The following RANBP17 variants were observed in gnomAD, a reference collection of about 807,000 sequenced individuals.
The protein encoded by RANBP17 is ran-binding protein 17.
RANBP17 carries 158 observed loss-of-function variants against 141.2 expected under a neutral mutation model. The ratio of observed to expected loss-of-function variants is 1.12; its 90% CI spans 0.98 to 1.28. The LOEUF (loss-of-function observed/expected upper bound fraction) is 1.28, where lower values mean the gene tolerates loss of function less well. RANBP17 is among the 50% of genes most tolerant of loss of function. The pLI is 0.00. For synonymous variants in RANBP17, 430 were observed against 450.0 expected (o/e 0.96, Z 0.56); for missense variants, 1,438 against 1,290.7 (o/e 1.11, Z -1.75).
chr5:171,274,111 A>AGTGT (rs372324815), intron 25 of RANBP17, among the ~76,000 whole-genome samples: 7,445 of 142,960 alleles, frequency 0.052, 219 homozygotes, highest in East Asian at 0.16. Flanking sequence ...AGTTTGATCA[A>AGTGT]GTGTGTGTGT....
In RANBP17 at chr5:171,082,519, C is replaced by A. The variant is rs376674410; in HGVS notation, c.1711-87611C>A. Among the ~76,000 whole-genome samples the A allele has an allele frequency of 4.1e-4, 62 of 152,088 alleles. 1 individual carries two copies. In the South Asian group the frequency reaches 0.012, roughly 31 times the overall value. Reference sequence around the variant, plus strand: ...CAGATAAAATTATAGTCTCATCTACCCTTTGCTCAACATTTTTACACTGAC... The same window carrying A: ...CAGATAAAATTATAGTCTCATCTACACTTTGCTCAACATTTTTACACTGAC... On this transcript the variant is annotated intron_variant, in intron 14 of 27. Coordinates refer to ENST00000523189, the MANE Select transcript of RANBP17 (RefSeq NM_022897.5).
At chr5:171,129,315 TTG>T (rs1226910148) in intron 14 of RANBP17, among the ~76,000 whole-genome samples, 1 of 152,202 alleles carries the variant, frequency 6.6e-6, no homozygotes, top group Non-Finnish European at 1.5e-5. Context: ...CACACATTTG[TTG>T]CAAAAATGCA....
chr5:171,107,869 T>C (rs141809747), intron 14 of RANBP17, among the ~76,000 whole-genome samples: 1 of 152,338 alleles, frequency 6.6e-6, no homozygotes, highest in Non-Finnish European at 1.5e-5. Flanking sequence ...TGCATTGATG[T>C]TGGAGGTCCC....
chr5:171,061,532 T>A (rs1783850358), intron 14 of RANBP17, among the ~76,000 whole-genome samples: 1 of 152,170 alleles, frequency 6.6e-6, no homozygotes, highest in Non-Finnish European at 1.5e-5. Context: ...AGAGACAGTT[T>A]GTTATAATTT....
chr5:171,125,265 C>G (rs1756346234), intron 14 of RANBP17, among the ~76,000 whole-genome samples: 1 of 134,882 alleles, frequency 7.4e-6, no homozygotes, highest in African/African-American at 2.7e-5. Flanking sequence ...CCAATGTGCT[C>G]CAGCGTGGGT....
intron 14 of RANBP17, among the ~76,000 whole-genome samples, chr5:171,051,064 C>T (rs975285291): frequency 1.4e-4 from 21 of 151,950 alleles, no homozygotes; most frequent in Admixed American, 7.2e-4. Context: ...TTGTTATTCC[C>T]CTCTATGTTA....
chr5:171,057,121 T>C (rs1783444780), intron 14 of RANBP17, among the ~76,000 whole-genome samples: 1 of 152,192 alleles, frequency 6.6e-6, no homozygotes, highest in Non-Finnish European at 1.5e-5. Context: ...ACAGCTTTTG[T>C]GAAAGAGCAG....
At chr5:171,101,731 C>T (rs1345958261) in intron 14 of RANBP17, among the ~76,000 whole-genome samples, 1 of 152,200 alleles carries the variant, frequency 6.6e-6, no homozygotes, top group Non-Finnish European at 1.5e-5. Context: ...GTGGCTAGTA[C>T]TGGTTGTTCC....
intron 22 of RANBP17, among the ~76,000 whole-genome samples, chr5:171,229,439 G>A (rs1327435080): frequency 6.6e-6 from 1 of 152,010 alleles, no homozygotes; most frequent in Non-Finnish European, 1.5e-5. Context: ...CTGTCGCCCA[G>A]GCTGGAGTGC....
chr5:170,973,319 A>C (rs542825312), intron 14 of RANBP17, among the ~76,000 whole-genome samples: 1 of 152,344 alleles, frequency 6.6e-6, no homozygotes, highest in Admixed American at 6.5e-5. Flanking sequence ...AAGACTTCAT[A>C]TCATGCAAAA....
At chr5:171,152,606 C>T (rs1042615145) in intron 14 of RANBP17, among the ~76,000 whole-genome samples, 3 of 152,112 alleles carry the variant, frequency 2.0e-5, no homozygotes, top group Admixed American at 6.5e-5. Flanking sequence ...AATCTAGCTC[C>T]ATCTACTGTC....
chr5:171,225,831 G>A (rs921244393), intron 22 of RANBP17, among the ~76,000 whole-genome samples: 1 of 152,156 alleles, frequency 6.6e-6, no homozygotes, highest in Non-Finnish European at 1.5e-5. Flanking sequence ...TAATACTTTT[G>A]ATATGCTGTT....
intron 25 of RANBP17, among the ~76,000 whole-genome samples, chr5:171,285,009 C>T (rs1003450234): frequency 2.0e-5 from 3 of 152,184 alleles, no homozygotes; most frequent in Non-Finnish European, 4.4e-5. Flanking sequence ...GCCCAGTCTT[C>T]TACTCCTTGC....
At chr5:171,205,694 C>A in intron 20 of RANBP17, 82 bp downstream of exon 20, 1 of 1,063,306 alleles carries the variant, frequency 9.4e-7, no homozygotes, top group Non-Finnish European at 1.5e-6. Context: ...TAGTATGGCA[C>A]AGTAGGGAAG....
intron 14 of RANBP17, among the ~76,000 whole-genome samples, chr5:171,128,757 TATC>T (rs1418785843): frequency 6.6e-6 from 1 of 152,076 alleles, no homozygotes; most frequent in African/African-American, 2.4e-5. Context: ...TGTATCAAAA[TATC>T]ATGTGTACCT....
intron 21 of RANBP17, among the ~76,000 whole-genome samples, chr5:171,218,912 ATTATG>A (rs1180652414): frequency 1.3e-5 from 2 of 152,030 alleles, no homozygotes; most frequent in African/African-American, 2.4e-5. Context: ...TAAGGTTAAT[ATTATG>A]TTTCAATTTG....
chr5:170,981,267 G>A (rs1777749276), intron 14 of RANBP17, among the ~76,000 whole-genome samples: 2 of 151,510 alleles, frequency 1.3e-5, no homozygotes, highest in African/African-American at 4.8e-5. Flanking sequence ...TGGACTTTGA[G>A]TTAATGCTGA....
At chr5:171,013,162 T>A (rs1185102515) in intron 14 of RANBP17, among the ~76,000 whole-genome samples, 1 of 152,234 alleles carries the variant, frequency 6.6e-6, no homozygotes, top group Non-Finnish European at 1.5e-5. Flanking sequence ...CAGTTCCTTA[T>A]GAACTTGTTC....
intron 25 of RANBP17, among the ~76,000 whole-genome samples, chr5:171,276,672 T>TA (rs1406432676): frequency 6.6e-6 from 1 of 152,036 alleles, no homozygotes; most frequent in Non-Finnish European, 1.5e-5. Flanking sequence ...AAAGGAGTGG[T>TA]AAAAAAATAA....
Sources: allele counts gnomAD v4.1 joint callset (sites outside exome capture counted in the v4.1 genomes callset), GRCh38; gene constraint gnomAD v4.1.1; transcripts MANE v1.5; gene names NCBI Gene and HGNC (gene_info 2026-07-23, HGNC 2026-07-21).